Variants in ZCCHC14 observed in about 807,000 individuals in gnomAD.
The protein encoded by ZCCHC14 is zinc finger CCHC-type containing 14.
A neutral mutation model predicts 85.0 loss-of-function variants in ZCCHC14; 16 were observed. That is an observed-to-expected ratio of 0.19 (90% CI 0.13 to 0.29). ZCCHC14 has a LOEUF of 0.29. Among genes scored for constraint, ZCCHC14 ranks in the 10% least tolerant of loss-of-function variants. The pLI, the probability that ZCCHC14 is intolerant of heterozygous loss-of-function variation, is 1.00. For synonymous variants in ZCCHC14, 775 were observed against 630.7 expected, an observed-to-expected ratio of 1.23 and a Z score of -3.43; for missense variants, 1,303 against 1,443.5, an observed-to-expected ratio of 0.90 and a Z score of 1.58.
At chr16:87,449,451 G>C (rs548199482) in intron 2 of ZCCHC14, among the ~76,000 whole-genome samples, 1 of 152,028 alleles carries the variant, frequency 6.6e-6, no homozygotes, top group African/African-American at 2.4e-5. Flanking sequence ...AGGGAGGAGA[G>C]AGGAGCACTC....
chr16:87,488,410 G>T (rs954154456), intron 1 of ZCCHC14, among the ~76,000 whole-genome samples: 2 of 152,056 alleles, frequency 1.3e-5, no homozygotes, highest in African/African-American at 2.4e-5. Flanking sequence ...GTGGCTACTG[G>T]AAGTATTTTT....
intron 2 of ZCCHC14, among the ~76,000 whole-genome samples, chr16:87,451,944 T>C (rs1342771724): frequency 6.6e-6 from 1 of 152,260 alleles, no homozygotes; most frequent in Non-Finnish European, 1.5e-5. Context: ...CAAAGCCGCA[T>C]GTCCTCGCCT....
intron 1 of ZCCHC14, among the ~76,000 whole-genome samples, chr16:87,483,426 G>C (rs1171855944): frequency 2.0e-5 from 3 of 150,394 alleles, no homozygotes; most frequent in Non-Finnish European, 3.0e-5. Flanking sequence ...GGGAGGCAAA[G>C]GTTGCAGTGA....
At chr16:87,475,552 T>TAAAA (rs35771945) in intron 1 of ZCCHC14, among the ~76,000 whole-genome samples, 1 of 91,456 alleles carries the variant, frequency 1.1e-5, no homozygotes, top group Admixed American at 1.3e-4. Flanking sequence ...GACTCTGTCT[T>TAAAA]AAAAAAAAAA....
In ZCCHC14 at chr16:87,456,346, C is replaced by T. The variant is rs999367631; in HGVS notation, c.694+3662G>A. Among the ~76,000 whole-genome samples, 8 of 151,818 alleles carry T rather than the reference C, an allele frequency of 5.3e-5. No homozygotes were observed. The East Asian group carries it at 1.2e-3, about 22-fold the overall frequency. On this transcript the variant is annotated intron_variant, in intron 2 of 12. Coordinates refer to ENST00000671377, the MANE Select transcript of ZCCHC14 (RefSeq NM_015144.3). Reference sequence around the variant, plus strand: ...GAGATCGAGACTATCCTGGCTAACACGGTGAAACCACGTCTCTACTAAAAA... The same window carrying T: ...GAGATCGAGACTATCCTGGCTAACATGGTGAAACCACGTCTCTACTAAAAA...
chr16:87,477,696 A>C (rs1259538607), intron 1 of ZCCHC14, among the ~76,000 whole-genome samples: 1 of 152,200 alleles, frequency 6.6e-6, no homozygotes, highest in East Asian at 1.9e-4. Context: ...AGCTGTTATG[A>C]GGATTAAATG....
chr16:87,475,590 T>TA (rs764454394), intron 1 of ZCCHC14, among the ~76,000 whole-genome samples: 13 of 120,328 alleles, frequency 1.1e-4, no homozygotes, highest in East Asian at 2.4e-4. Flanking sequence ...ATTCCAGAAC[T>TA]AAAAAATGCT....
At chr16:87,456,821 G>C (rs1455227412) in intron 2 of ZCCHC14, among the ~76,000 whole-genome samples, 2 of 152,166 alleles carry the variant, frequency 1.3e-5, no homozygotes, top group Non-Finnish European at 2.9e-5. Context: ...ATTTTTAAGA[G>C]TGCAAAGGGG....
At chr16:87,479,934 CTTCT>C (rs374679137) in intron 1 of ZCCHC14, among the ~76,000 whole-genome samples, 40 of 151,762 alleles carry the variant, frequency 2.6e-4, no homozygotes, top group South Asian at 1.9e-3. Flanking sequence ...GTTTTTTCTT[CTTCT>C]TTTTCTTTTT....
In ZCCHC14 at chr16:87,406,533, T is replaced by C. The variant is rs979354082; in HGVS notation, c.*3747A>G. On this transcript the variant is annotated 3_prime_UTR_variant, in exon 13 of 13. Coordinates refer to ENST00000671377, the MANE Select transcript of ZCCHC14 (RefSeq NM_015144.3). ...ATTCCTAAAAAGAAAATATGTCCAATAGAAGCTGTGAAGGTATCGAGTACA... is the reference window on the plus strand; with the variant it reads ...ATTCCTAAAAAGAAAATATGTCCAACAGAAGCTGTGAAGGTATCGAGTACA... 3.9e-5 allele frequency: 6 copies of C among 152,574 alleles called. No homozygotes were observed. The highest frequency in any genetic ancestry group is 7.2e-5 in the African/African-American group (3 of 41,462). The allele number at this position is 152,574 out of a possible 1,614,324, so 9.5% of individuals were successfully genotyped here. A position where few individuals can be genotyped will look rare whatever the true frequency, so the allele number is the denominator to read the frequency against.
At position 87,492,708 on chromosome 16, in the gene ZCCHC14, TCGCCGCCGCCCG is replaced by T. The variant is rs1443286061; in HGVS notation, c.-482_-471del. The T allele has an allele frequency of 7.1e-6, 1 of 141,788 alleles. No homozygotes were observed. The highest frequency in any genetic ancestry group is 6.9e-5 in the Admixed American group (1 of 14,420). 8.8% of individuals were successfully genotyped at this position (141,788 alleles called of 1,614,324 possible). On this transcript the variant is annotated 5_prime_UTR_variant, in exon 1 of 13. Transcript: ENST00000671377. The surrounding 1 kb of genome is among the most constrained non-coding windows in gnomAD (Gnocchi z 6.7). Reference sequence around the variant, plus strand: ...CGACGGAGCCGCCCCGGCCATGCCGTCGCCGCCGCCCGCGCCTCCGCCCAGGCCGGCCGTTAC... The same window carrying T: ...CGACGGAGCCGCCCCGGCCATGCCGTCGCCTCCGCCCAGGCCGGCCGTTAC...
intron 2 of ZCCHC14, among the ~76,000 whole-genome samples, chr16:87,438,508 C>T (rs1246219704): frequency 6.6e-6 from 1 of 152,162 alleles, no homozygotes; most frequent in Admixed American, 6.5e-5. Context: ...CGGAATGATG[C>T]CTCCCAAGAC....
At chr16:87,463,344 T>A (rs894661220) in intron 1 of ZCCHC14, among the ~76,000 whole-genome samples, 2 of 151,944 alleles carry the variant, frequency 1.3e-5, no homozygotes, top group Non-Finnish European at 2.9e-5. Context: ...ATCATATCAG[T>A]GCACTCCAGC....
At chr16:87,424,677 G>T (rs970720495) in intron 3 of ZCCHC14, among the ~76,000 whole-genome samples, 1 of 152,140 alleles carries the variant, frequency 6.6e-6, no homozygotes, top group Non-Finnish European at 1.5e-5. Flanking sequence ...AAACAAAGCT[G>T]ACTGAGGGGG....
intron 1 of ZCCHC14, among the ~76,000 whole-genome samples, chr16:87,462,738 AAAAAAAAAAAAAAG>A (rs1029280863): frequency 2.3e-3 from 17 of 7,340 alleles, no homozygotes; most frequent in South Asian, 8.9e-3. Flanking sequence ...TCTATCTCAC[AAAAAAAAAAAAAAG>A]AAAAAAGAAA....
intron 10 of ZCCHC14, among the ~76,000 whole-genome samples, chr16:87,413,570 AG>A (rs1263974428): frequency 6.7e-6 from 1 of 150,062 alleles, no homozygotes; most frequent in Non-Finnish European, 1.5e-5. Flanking sequence ...CCATCCTGCC[AG>A]GTTTTTTTTT....
chr16:87,431,072 G>A (rs558351248), intron 3 of ZCCHC14, among the ~76,000 whole-genome samples: 1 of 152,182 alleles, frequency 6.6e-6, no homozygotes, highest in East Asian at 1.9e-4. Context: ...CCAGGAGATC[G>A]AGGCTGTAGT....
intron 1 of ZCCHC14, among the ~76,000 whole-genome samples, chr16:87,483,030 T>G (rs540724679): frequency 6.6e-6 from 1 of 151,780 alleles, no homozygotes; most frequent in Admixed American, 6.6e-5. Flanking sequence ...AAAGGACTGA[T>G]AAATATAGCA....
chr16:87,444,503 A>G (rs1313287212), intron 2 of ZCCHC14, among the ~76,000 whole-genome samples: 1 of 152,236 alleles, frequency 6.6e-6, no homozygotes, highest in African/African-American at 2.4e-5. Flanking sequence ...GTTAGAAAGT[A>G]ATTTTTACAC....
Sources: allele counts gnomAD v4.1 joint callset (sites outside exome capture counted in the v4.1 genomes callset), GRCh38; gene constraint gnomAD v4.1.1; non-coding constraint Gnocchi (gnomAD v3.1); transcripts MANE v1.5; gene names NCBI Gene and HGNC (gene_info 2026-07-23, HGNC 2026-07-21).